The following MUSTN1 variants were observed in gnomAD, a reference collection of about 807,000 sequenced individuals.
MUSTN1 encodes musculoskeletal embryonic nuclear protein 1.
A neutral mutation model predicts 11.8 loss-of-function variants in MUSTN1; 14 were observed. The ratio of observed to expected loss-of-function variants is 1.18; its 90% CI spans 0.78 to 1.85. The LOEUF is 1.85. Among genes scored for constraint, MUSTN1 ranks in the 40% most tolerant of loss-of-function variants. The probability of loss-of-function intolerance (pLI) is 0.00; values close to 1 mark genes in which losing one functional copy is unlikely to be tolerated. For synonymous variants in MUSTN1, 42 were observed against 43.3 expected, an observed-to-expected ratio of 0.97 and a Z score of 0.12; for missense variants, 111 against 108.8, an observed-to-expected ratio of 1.02 and a Z score of -0.09.
chr3:52,833,710 G>A lies in MUSTN1; in HGVS notation c.49C>T (p.Pro17Ser), dbSNP rs747053103. The change falls in exon 2 of 3, where the codon CCT (proline) becomes TCT (serine). Residue 17 changes from proline to serine, a missense_variant. Pro to Ser is a moderately conservative substitution (Grantham distance 74). Coordinates refer to ENST00000446157, the MANE Select transcript of MUSTN1 (RefSeq NM_205853.4). ...QEAPIKKKRP[P>S]VKDEDLKGAR... is the part of the protein sequence containing the mutation. Reference sequence around the variant, plus strand: ...CCCTTCAGGTCCTCGTCCTTCACAGGGGGGCGCTTCTTCTTGATAGGGGCT... The same window carrying A: ...CCCTTCAGGTCCTCGTCCTTCACAGAGGGGCGCTTCTTCTTGATAGGGGCT... 15 of 1,589,920 alleles carry A rather than the reference G, an allele frequency of 9.4e-6. No individual in the cohort carries two copies. The highest frequency in any genetic ancestry group is 1.7e-6 in the Non-Finnish European group (2 of 1,168,110).
intron 1 of MUSTN1, 120 bp downstream of exon 1, chr3:52,834,820 G>A: frequency 8.0e-7 from 1 of 1,250,882 alleles, no homozygotes; most frequent in Non-Finnish European, 1.1e-6. Context: ...CCCAAGGGCT[G>A]CAGAGCCTCC....
Position 52,833,150 on chromosome 3 carries a change from T to C in MUSTN1, c.*174A>G. 1 of 957,486 alleles carries C rather than the reference T, an allele frequency of 1.0e-6. No homozygotes were observed. Among genetic ancestry groups the C allele is most frequent in the Non-Finnish European group, 1.6e-6 (1 of 615,770 alleles). The allele number at this position is 957,486 out of a possible 1,614,324, so 59.3% of individuals were successfully genotyped here. On this transcript the variant is annotated 3_prime_UTR_variant, in exon 3 of 3. Coordinates refer to ENST00000446157, the MANE Select transcript of MUSTN1 (RefSeq NM_205853.4). ...TGGGGCCACGTGGGCATCCTCTTTA[T>C]TGGTGCTTCCAAGGTGCTGGTGCAG... is the stretch of plus-strand genomic sequence containing the variant.
chr3:52,833,137 G>C lies in MUSTN1; in HGVS notation c.*187C>G, dbSNP rs1056785605. On this transcript the variant is annotated 3_prime_UTR_variant, in exon 3 of 3. Transcript: ENST00000446157. The stretch of plus-strand genomic sequence containing the variant: ...ACCTTCTGATTGCTGGGGCCACGTG[G>C]GCATCCTCTTTATTGGTGCTTCCAA... 3 of 854,602 alleles carry C rather than the reference G, an allele frequency of 3.5e-6. No homozygotes were observed. The African/African-American group carries it at 5.0e-5, about 14-fold the overall frequency. 52.9% of individuals were successfully genotyped at this position (854,602 alleles called of 1,614,324 possible).
Position 52,833,863 on chromosome 3 carries a change from AAGGCTCT to A in MUSTN1, c.10-121_10-115del. ...CTGCTCATTAAACCCAAGCCTATTCAAGGCTCTACTCCTCTTCCAGAGAAAGCCTTCC... is the reference window on the plus strand; with the variant it reads ...CTGCTCATTAAACCCAAGCCTATTCAACTCCTCTTCCAGAGAAAGCCTTCC... On this transcript the variant is annotated intron_variant, in intron 1 of 2. Transcript: ENST00000446157. 2.8e-6 allele frequency: 4 copies of A among 1,448,618 alleles called. No individual in the cohort carries two copies. The East Asian group carries it at 1.0e-4, about 36-fold the overall frequency. 89.7% of individuals were successfully genotyped at this position (1,448,618 alleles called of 1,614,324 possible).
At chr3:52,833,967 G>A (rs1341540021) in intron 1 of MUSTN1, among the ~76,000 whole-genome samples, 4 of 152,144 alleles carry the variant, frequency 2.6e-5, no homozygotes, top group African/African-American at 9.7e-5. Context: ...TTCCCCTATA[G>A]CCTGGGAGCT....
intron 1 of MUSTN1, among the ~76,000 whole-genome samples, chr3:52,834,507 C>A (rs76029595): frequency 6.6e-6 from 1 of 152,016 alleles, no homozygotes; most frequent in Non-Finnish European, 1.5e-5. Flanking sequence ...CATGTGCACA[C>A]ACATACAGCT....
rs759156995 is a variant in MUSTN1 at position 52,834,782 on chromosome 3, T to A, written c.9+158A>T. 1.4e-4 allele frequency: 120 copies of A among 859,414 alleles called. No individual in the cohort carries two copies. The African/African-American group carries it at 1.8e-3, about 13-fold the overall frequency. The allele number at this position is 859,414 out of a possible 1,614,324, so 53.2% of individuals were successfully genotyped here. On this transcript the variant is annotated intron_variant, in intron 1 of 2. Coordinates refer to ENST00000446157, the MANE Select transcript of MUSTN1 (RefSeq NM_205853.4). The stretch of plus-strand genomic sequence containing the variant: ...CAAAGCCACATAGAAGAGGGGTTCT[T>A]CAGGGGGTCCTCCCTGAGCCCCCAT...
chr3:52,834,728 ACTC>A (rs1157240470), intron 1 of MUSTN1: 9 of 671,916 alleles, frequency 1.3e-5, no homozygotes, highest in African/African-American at 7.5e-5. Flanking sequence ...ATTTCTCTCC[ACTC>A]CTCCTAACAA....
intron 1 of MUSTN1, chr3:52,834,624 G>T: frequency 1.7e-6 from 1 of 574,196 alleles, no homozygotes; most frequent in Non-Finnish European, 3.1e-6. Flanking sequence ...TCTACACACT[G>T]AGCTATATCG....
chr3:52,834,780 C>T (rs1195069347), intron 1 of MUSTN1, 160 bp downstream of exon 1: 3 of 844,652 alleles, frequency 3.6e-6, no homozygotes, highest in African/African-American at 3.4e-5. Flanking sequence ...AAGAGGGGTT[C>T]TTCAGGGGGT....
At position 52,833,767 on chromosome 3, in the gene MUSTN1, C is replaced by T. The variant is rs760046367; in HGVS notation, c.10-18G>A. ...GCACCAGCCTTGGAGATCCAAGAGC[C>T]TCATCTTACTACCTGAAGCCTCGGT... is the stretch of plus-strand genomic sequence containing the variant. On this transcript the variant is annotated intron_variant, in intron 1 of 2. Transcript: ENST00000446157. 2 of 1,568,760 alleles carry T rather than the reference C, an allele frequency of 1.3e-6. No individual in the cohort carries two copies.
At chr3:52,833,792 T>A (rs758332854) in intron 1 of MUSTN1, 43 bp from the exon 2 acceptor site, 5 of 1,555,198 alleles carry the variant, frequency 3.2e-6, no homozygotes, top group Non-Finnish European at 3.5e-6. Flanking sequence ...GAAGCCTCGG[T>A]AGAAAGGCAC....
chr3:52,834,700 GC>G (rs77032405), intron 1 of MUSTN1: 367,195 of 634,366 alleles, frequency 0.58, 108,810 homozygotes, highest in South Asian at 0.64. Context: ...ATCTATCTAG[GC>G]CCCCCCCACC....
chr3:52,833,528 C>T lies in MUSTN1; in HGVS notation c.142+89G>A, dbSNP rs1225198192. Reference sequence around the variant, plus strand: ...TTCTTGAACCCAGGAATACTGGATTCTCAGAAAAGGATCCTTGACCACCTC... The same window carrying T: ...TTCTTGAACCCAGGAATACTGGATTTTCAGAAAAGGATCCTTGACCACCTC... On this transcript the variant is annotated intron_variant, in intron 2 of 2. Coordinates refer to ENST00000446157, the MANE Select transcript of MUSTN1 (RefSeq NM_205853.4). The T allele has an allele frequency of 6.3e-6, 10 of 1,584,316 alleles. No individual in the cohort carries two copies. The African/African-American group carries it at 1.1e-4, about 17-fold the overall frequency.
chr3:52,833,965 T>G (rs563206256), intron 1 of MUSTN1, among the ~76,000 whole-genome samples: 5 of 152,134 alleles, frequency 3.3e-5, no homozygotes, highest in Non-Finnish European at 5.9e-5. Context: ...CTTTCCCCTA[T>G]AGCCTGGGAG....
At position 52,833,189 on chromosome 3, in the gene MUSTN1, A is replaced by C. The variant is rs1457037716; in HGVS notation, c.*135T>G. On this transcript the variant is annotated 3_prime_UTR_variant, in exon 3 of 3. Coordinates refer to ENST00000446157, the MANE Select transcript of MUSTN1 (RefSeq NM_205853.4). ...GTGCTGGTGCAGAGCCCTTGGCTGA[A>C]GGGCCTGGACTGTGGGGGAGGGTGG... 1 of 1,326,036 alleles carries C rather than the reference A, an allele frequency of 7.5e-7. No homozygotes were observed. Among genetic ancestry groups the C allele is most frequent in the Non-Finnish European group, 1.1e-6 (1 of 947,814 alleles). The allele number at this position is 1,326,036 out of a possible 1,614,324, so 82.1% of individuals were successfully genotyped here. A position where few individuals can be genotyped will look rare whatever the true frequency, so the allele number is the denominator to read the frequency against.
intron 1 of MUSTN1, among the ~76,000 whole-genome samples, chr3:52,834,586 CG>C (rs1700662610): frequency 6.6e-6 from 1 of 151,148 alleles, no homozygotes; most frequent in South Asian, 2.1e-4. Context: ...GCATGGCTGC[CG>C]GGCCCATAGC....
intron 1 of MUSTN1, 95 bp downstream of exon 1, chr3:52,834,845 G>C: frequency 6.9e-7 from 1 of 1,457,352 alleles, no homozygotes; most frequent in Non-Finnish European, 9.4e-7. Flanking sequence ...CATGCTTGGG[G>C]CTCAGATCAA....
chr3:52,834,999 A>C lies in MUSTN1; in HGVS notation c.-51T>G. Reference sequence around the variant, plus strand: ...CTCTGAAGGCGCCTCTCTGGCAGGCAGCAGCTGCTGGAAAAGATCTGAGTG... The same window carrying C: ...CTCTGAAGGCGCCTCTCTGGCAGGCCGCAGCTGCTGGAAAAGATCTGAGTG... On this transcript the variant is annotated 5_prime_UTR_variant, in exon 1 of 3. Coordinates refer to ENST00000446157, the MANE Select transcript of MUSTN1 (RefSeq NM_205853.4). The C allele has an allele frequency of 6.2e-7, 1 of 1,611,438 alleles. No homozygotes were observed. The highest frequency in any genetic ancestry group is 8.5e-7 in the Non-Finnish European group (1 of 1,178,892).
Sources: gnomAD v4.1 joint callset for allele counts (sites outside exome capture counted in the v4.1 genomes callset) on GRCh38, gnomAD v4.1.1 for gene constraint, MANE v1.5 for transcripts, NCBI Gene and HGNC (gene_info 2026-07-23, HGNC 2026-07-21) for gene names.